KANK1: variants seen among roughly 807,000 people sequenced by gnomAD.
KANK1 encodes KN motif and ankyrin repeat domains 1.
KANK1 carries 109 observed loss-of-function variants against 106.2 expected under a neutral mutation model. That is an observed-to-expected ratio of 1.03 (90% CI 0.88 to 1.20). The LOEUF is 1.20. Among genes scored for constraint, KANK1 ranks in the 50% most tolerant of loss-of-function variants. The pLI is 0.00. For synonymous variants in KANK1, 873 were observed against 652.2 expected (o/e 1.34, Z -5.16); for missense variants, 2,399 against 1,710.7 (o/e 1.40, Z -7.10).
chr9:743,720 G>T (rs757963155), intron 10 of KANK1, among the ~76,000 whole-genome samples: 2 of 152,034 alleles, frequency 1.3e-5, no homozygotes, highest in Non-Finnish European at 2.9e-5. Flanking sequence ...AAATTATCTA[G>T]GTGTGGTGGT....
chr9:496,216 C>T (rs2058457489), intron 3 of KANK1, among the ~76,000 whole-genome samples: 1 of 152,124 alleles, frequency 6.6e-6, no homozygotes, highest in Admixed American at 6.5e-5. Flanking sequence ...AACTACAGTG[C>T]CAAGCATGGA....
rs760614260 is a variant in KANK1, at chr9:734,826, C to G, written c.3324C>G (p.Ser1108Arg). 1.2e-6 allele frequency: 2 copies of G among 1,612,242 alleles called. No homozygotes were observed. The highest frequency in any genetic ancestry group is 4.5e-5 in the East Asian group (2 of 44,876). ...NTINDPKALT[S>R]KDMRFCLNTL... is the part of the protein sequence containing the mutation. ...TAAATGACCCCAAAGCTTTGACCAGCAAAGATATGGTGAGTCTGACCTGCA... is the reference window on the plus strand; with the variant it reads ...TAAATGACCCCAAAGCTTTGACCAGGAAAGATATGGTGAGTCTGACCTGCA... The change falls in exon 7 of 12, where the codon AGC becomes AGG. Residue 1108 changes from serine (S) to arginine (R), a missense_variant. By Grantham distance (110) the Ser-to-Arg change is moderately radical. Transcript: ENST00000382297.
upstream of KANK1, among the ~76,000 whole-genome samples, chr9:501,298 T>C (rs1393944138): frequency 6.6e-6 from 1 of 152,162 alleles, no homozygotes; most frequent in East Asian, 1.9e-4. Flanking sequence ...ACGCACTGAC[T>C]GGTTAAAGTG....
chr9:605,130 G>A lies in KANK1; in HGVS notation c.-83-71760G>A, dbSNP rs1041096515. Among the ~76,000 whole-genome samples, 12 of 151,204 alleles carry A rather than the reference G, an allele frequency of 7.9e-5. 1 individual carries two copies. Among genetic ancestry groups the A allele is most frequent in the African/African-American group, 2.9e-4 (12 of 40,742 alleles). Reference sequence around the variant, plus strand: ...CAGCCTGACCAACATGATGAAACCTGTCTCTACTAAAAATAGAAAAATTAG... The same window carrying A: ...CAGCCTGACCAACATGATGAAACCTATCTCTACTAAAAATAGAAAAATTAG... On this transcript the variant is annotated intron_variant, in intron 1 of 11. Transcript: ENST00000382297.
chr9:641,535 C>A lies in KANK1; in HGVS notation c.-83-35355C>A, dbSNP rs114270454. Among the ~76,000 whole-genome samples, 717 of 152,254 alleles carry A rather than the reference C, an allele frequency of 4.7e-3. 8 individuals carry two copies. The highest frequency in any genetic ancestry group is 0.017 in the African/African-American group (689 of 41,534). ...GCTGCTGCACAAAGTTTAGGGAGTT[C>A]TAAGCGTTGGGATTCCAAGGCATAT... On this transcript the variant is annotated intron_variant, in intron 1 of 11. Coordinates refer to ENST00000382297, the MANE Select transcript of KANK1 (RefSeq NM_015158.5).
intron 1 of KANK1, among the ~76,000 whole-genome samples, chr9:656,565 A>G (rs1052693895): frequency 5.9e-5 from 9 of 152,116 alleles, no homozygotes; most frequent in African/African-American, 2.2e-4. Context: ...GAATGGGATC[A>G]GGCTTTTTCA....
intron 1 of KANK1, among the ~76,000 whole-genome samples, chr9:666,096 G>A (rs1052321506): frequency 7.3e-5 from 11 of 151,004 alleles, no homozygotes; most frequent in Non-Finnish European, 1.0e-4. Flanking sequence ...TCAGAGGATC[G>A]CTTGAGACCA....
In KANK1 at chr9:712,373, C is replaced by A. The variant is rs149011172; in HGVS notation, c.1607C>A (p.Thr536Lys). 87 of 1,614,152 alleles carry A rather than the reference C, an allele frequency of 5.4e-5. 1 individual carries two copies. In the African/African-American group the frequency reaches 1.0e-3, roughly 19 times the overall value. Residue 536 changes from threonine (T) to lysine (K), a missense_variant, in exon 3 of 12, where the codon ACG (threonine) becomes AAG (lysine). Transcript: ENST00000382297. ...GGCAGTCACATGGACCTGGTGGACA[C>A]GTGTGTTGGGACCTCCGTGGAAACA... ...MVGSHMDLVD[T>K]CVGTSVETNS...
chr9:625,977 A>G (rs1834253148), intron 1 of KANK1, among the ~76,000 whole-genome samples: 2 of 151,874 alleles, frequency 1.3e-5, no homozygotes, highest in Non-Finnish European at 2.9e-5. Context: ...ACTCCATTCA[A>G]CTTTCTGGAC....
At chr9:642,977 C>T (rs932584755) in intron 1 of KANK1, among the ~76,000 whole-genome samples, 1 of 150,448 alleles carries the variant, frequency 6.6e-6, no homozygotes, top group South Asian at 2.1e-4. Context: ...TCCTTTTCTT[C>T]TACTTTATAG....
At chr9:635,164 C>T (rs1157592580) in intron 1 of KANK1, among the ~76,000 whole-genome samples, 12 of 152,072 alleles carry the variant, frequency 7.9e-5, no homozygotes, top group Admixed American at 5.9e-4. Context: ...CCTTTTCTCC[C>T]TTTGTATGTC....
At chr9:565,064 A>G (rs1455719329) in intron 1 of KANK1, among the ~76,000 whole-genome samples, 1 of 152,234 alleles carries the variant, frequency 6.6e-6, no homozygotes, top group Non-Finnish European at 1.5e-5. Context: ...AAGAGAGACC[A>G]AAGTGTGACT....
At chr9:736,785 AC>A (rs1374903667) in intron 7 of KANK1, among the ~76,000 whole-genome samples, 3 of 152,178 alleles carry the variant, frequency 2.0e-5, no homozygotes, top group Admixed American at 6.5e-5. Flanking sequence ...ACCTGGCTAT[AC>A]CCTGGTCACT....
intron 1 of KANK1, among the ~76,000 whole-genome samples, chr9:635,600 TAAG>T (rs1836910090): frequency 6.6e-6 from 1 of 152,072 alleles, no homozygotes; most frequent in Non-Finnish European, 1.5e-5. Context: ...ATTAGAATAG[TAAG>T]AATTCTATAT....
chr9:704,233 T>C (rs1431867225), intron 2 of KANK1, among the ~76,000 whole-genome samples: 1 of 152,180 alleles, frequency 6.6e-6, no homozygotes, highest in Non-Finnish European at 1.5e-5. Context: ...AATAGACCTT[T>C]ATATCTTTTT....
intron 1 of KANK1, among the ~76,000 whole-genome samples, chr9:527,885 A>G (rs1395913120): frequency 1.3e-5 from 2 of 149,120 alleles, no homozygotes; most frequent in East Asian, 1.9e-4. Context: ...GCGATGGCTC[A>G]TGCCTGTAAT....
At chr9:498,177 T>C in intron 3 of KANK1, among the ~76,000 whole-genome samples, 1 of 152,146 alleles carries the variant, frequency 6.6e-6, no homozygotes, top group East Asian at 1.9e-4. Flanking sequence ...GACAAGAAAC[T>C]TGAGGCTTGG....
At chr9:641,506 T>C (rs1300998203) in intron 1 of KANK1, among the ~76,000 whole-genome samples, 2 of 152,136 alleles carry the variant, frequency 1.3e-5, no homozygotes, top group African/African-American at 2.4e-5. Flanking sequence ...AACATGCAAA[T>C]GGAGCTGCTG....
intron 2 of KANK1, chr9:686,846 CA>C: frequency 1.0e-6 from 1 of 985,316 alleles, no homozygotes; most frequent in Non-Finnish European, 1.2e-6. Context: ...TGCTAGAAAA[CA>C]GCAGCTGGAA....
Sources: gnomAD v4.1 joint callset for allele counts (sites outside exome capture counted in the v4.1 genomes callset) on GRCh38, gnomAD v4.1.1 for gene constraint, MANE v1.5 for transcripts, NCBI Gene and HGNC (gene_info 2026-07-23, HGNC 2026-07-21) for gene names.